SLC4A4: variants seen among roughly 807,000 people sequenced by gnomAD.
SLC4A4 encodes electrogenic sodium bicarbonate cotransporter 1.
Under a neutral mutation model 111.5 loss-of-function variants are expected in SLC4A4, and 27 were observed. That is an observed-to-expected ratio of 0.24 (90% CI 0.18 to 0.33). The LOEUF (loss-of-function observed/expected upper bound fraction) is 0.33. Ranked by LOEUF, SLC4A4 falls within the 10% of genes least tolerant of loss-of-function variation. SLC4A4 has a pLI of 1.00. For missense variants in SLC4A4, 909 were observed against 1,315.5 expected, an observed-to-expected ratio of 0.69 and a Z score of 4.78; for synonymous variants, 443 against 463.4, an observed-to-expected ratio of 0.96 and a Z score of 0.57.
chr4:71,329,540 G>C (rs1226940971), intron 3 of SLC4A4, among the ~76,000 whole-genome samples: 1 of 151,818 alleles, frequency 6.6e-6, no homozygotes, highest in African/African-American at 2.4e-5. Context: ...CACTTTCTTG[G>C]CTAAGTCTGT....
At chr4:71,298,847 T>C (rs960561722) in intron 3 of SLC4A4, among the ~76,000 whole-genome samples, 12 of 152,202 alleles carry the variant, frequency 7.9e-5, no homozygotes, top group African/African-American at 2.7e-4. Context: ...GAGTGGCCAG[T>C]TTCATTTCAT....
At chr4:71,121,780 C>T (rs28455161) in intron 2 of SLC4A4, among the ~76,000 whole-genome samples, 4,325 of 152,292 alleles carry the variant, frequency 0.028, 79 homozygotes, top group Middle Eastern at 0.058. Flanking sequence ...TCACCTTCCA[C>T]GTTGTGGAAG....
In SLC4A4 at chr4:71,450,335, G is replaced by A. The variant is rs1725643376; in HGVS notation, c.1054-54G>A. On this transcript the variant is annotated intron_variant, in intron 9 of 25. Coordinates refer to ENST00000264485, the MANE Select transcript of SLC4A4 (RefSeq NM_001098484.3). ...GCATTCTTCAGGCTTGATATGGTGT[G>A]AAGCATGTACAGAGTTATCTTTTTG... 1.5e-5 allele frequency: 19 copies of A among 1,254,784 alleles called. 1 individual carries two copies. In the South Asian group the frequency reaches 2.2e-4, roughly 14 times the overall value. The allele number at this position is 1,254,784 out of a possible 1,614,324, so 77.7% of individuals were successfully genotyped here.
chr4:71,230,601 G>A (rs1406539536), intron 1 of SLC4A4, among the ~76,000 whole-genome samples: 1 of 152,242 alleles, frequency 6.6e-6, no homozygotes, highest in African/African-American at 2.4e-5. Flanking sequence ...TGCATGCACG[G>A]AGAGAACCAG....
chr4:71,078,888 T>C (rs1449568409), intron 1 of SLC4A4, among the ~76,000 whole-genome samples: 1 of 151,960 alleles, frequency 6.6e-6, no homozygotes, highest in African/African-American at 2.4e-5. Flanking sequence ...GCATGATCTC[T>C]GCTCACTGCA....
At chr4:71,203,464 C>G (rs192174569) in intron 1 of SLC4A4, among the ~76,000 whole-genome samples, 1 of 152,140 alleles carries the variant, frequency 6.6e-6, no homozygotes, top group African/African-American at 2.4e-5. Context: ...ATATTTAATC[C>G]GAAGCCAGCC....
At chr4:71,116,604 G>T (rs1455924278) in intron 2 of SLC4A4, among the ~76,000 whole-genome samples, 19 of 152,204 alleles carry the variant, frequency 1.2e-4, no homozygotes, top group Admixed American at 1.2e-3. Context: ...AAGGAAGCTG[G>T]TTAATTACCT....
chr4:71,316,061 A>G (rs1360076440), intron 3 of SLC4A4, among the ~76,000 whole-genome samples: 3 of 152,174 alleles, frequency 2.0e-5, no homozygotes, highest in Non-Finnish European at 4.4e-5. Context: ...GAGGTAGCAT[A>G]CTGCTGGCAA....
chr4:71,285,575 C>T (rs2149096322), intron 3 of SLC4A4, among the ~76,000 whole-genome samples: 1 of 152,232 alleles, frequency 6.6e-6, no homozygotes, highest in Admixed American at 6.5e-5. Flanking sequence ...CAGGCACAGG[C>T]AAGTGGGCAA....
At chr4:71,432,898 A>G (rs1443160808) in intron 7 of SLC4A4, among the ~76,000 whole-genome samples, 1 of 152,056 alleles carries the variant, frequency 6.6e-6, no homozygotes, top group African/African-American at 2.4e-5. Context: ...CTCCACAACA[A>G]TCCATTGTAT....
At chr4:71,483,110 C>CT (rs1729041832) in intron 14 of SLC4A4, among the ~76,000 whole-genome samples, 1 of 151,520 alleles carries the variant, frequency 6.6e-6, no homozygotes, top group Admixed American at 6.6e-5. Flanking sequence ...CATCTTCTTC[C>CT]TTTTGAGAAT....
chr4:71,223,376 C>T lies in SLC4A4; in HGVS notation c.-1-13200C>T, dbSNP rs1052896864. On this transcript the variant is annotated intron_variant, in intron 1 of 25. Transcript: ENST00000264485. ...ATTTTTAGCAGAGACGGGTTTTCAC[C>T]GTGGTCTCAATTTCCTGACCTCGTG... is the stretch of plus-strand genomic sequence containing the variant. 4.6e-5 allele frequency among the ~76,000 whole-genome samples: 7 copies of T among 152,010 alleles called. No individual in the cohort carries two copies. In the East Asian group the frequency reaches 1.4e-3, roughly 30 times the overall value.
At chr4:71,413,478 A>G (rs1284851665) in intron 7 of SLC4A4, among the ~76,000 whole-genome samples, 3 of 152,244 alleles carry the variant, frequency 2.0e-5, no homozygotes, top group Non-Finnish European at 4.4e-5. Context: ...TCATCCAGAC[A>G]GGTCTTAAGA....
At chr4:71,117,412 T>TA (rs1743298198) in intron 2 of SLC4A4, among the ~76,000 whole-genome samples, 1 of 152,134 alleles carries the variant, frequency 6.6e-6, no homozygotes, top group Non-Finnish European at 1.5e-5. Flanking sequence ...GTGCTTGAAA[T>TA]AAAAAATATA....
intron 18 of SLC4A4, among the ~76,000 whole-genome samples, chr4:71,540,509 T>C (rs906667925): frequency 3.9e-5 from 6 of 152,180 alleles, no homozygotes; most frequent in African/African-American, 1.2e-4. Context: ...AAGAAGTCTT[T>C]TAAACTTTAA....
intron 3 of SLC4A4, among the ~76,000 whole-genome samples, chr4:71,265,057 G>A (rs1471112583): frequency 1.3e-5 from 2 of 152,160 alleles, no homozygotes; most frequent in Non-Finnish European, 2.9e-5. Context: ...TTGGAAATCT[G>A]TCTATGCTAT....
At chr4:71,139,037 A>G (rs1380362625) in intron 2 of SLC4A4, among the ~76,000 whole-genome samples, 2 of 128,798 alleles carry the variant, frequency 1.6e-5, no homozygotes, top group Admixed American at 7.8e-5. Flanking sequence ...CTCCGTCTCA[A>G]AAAAAAAAAA....
intron 20 of SLC4A4, among the ~76,000 whole-genome samples, chr4:71,554,085 G>A (rs1736266799): frequency 6.6e-6 from 1 of 151,842 alleles, no homozygotes; most frequent in Admixed American, 6.6e-5. Context: ...AGTGGCCAAA[G>A]AGTCTCAGAT....
intron 2 of SLC4A4, among the ~76,000 whole-genome samples, chr4:71,161,318 G>A (rs572766862): frequency 6.6e-6 from 1 of 152,130 alleles, no homozygotes; most frequent in Non-Finnish European, 1.5e-5. Flanking sequence ...AACTCTACAC[G>A]AACACTTATT....
Sources: allele counts gnomAD v4.1 joint callset (sites outside exome capture counted in the v4.1 genomes callset), GRCh38; gene constraint gnomAD v4.1.1; transcripts MANE v1.5; gene names NCBI Gene and HGNC (gene_info 2026-07-23, HGNC 2026-07-21).